The following KLHL29 variants were observed in gnomAD, a reference collection of about 807,000 sequenced individuals.
KLHL29 encodes the protein kelch like family member 29.
Under a neutral mutation model 80.4 loss-of-function variants are expected in KLHL29, and 21 were observed. The ratio of observed to expected loss-of-function variants is 0.26; its 90% CI spans 0.19 to 0.38. The LOEUF (loss-of-function observed/expected upper bound fraction) is 0.38, where lower values mean the gene tolerates loss of function less well. Among genes scored for constraint, KLHL29 ranks in the 10% least tolerant of loss-of-function variants. KLHL29 has a pLI of 1.00. For synonymous variants in KLHL29, 511 were observed against 526.8 expected (o/e 0.97, Z 0.41); for missense variants, 867 against 1,223.9 (o/e 0.71, Z 4.35).
At chr2:23,551,874 G>C (rs1667139350) in intron 2 of KLHL29, among the ~76,000 whole-genome samples, 3 of 152,244 alleles carry the variant, frequency 2.0e-5, no homozygotes. Flanking sequence ...CGATGCTGTG[G>C]CTACTGGACT....
chr2:23,474,698 A>G (rs568721338), intron 1 of KLHL29, among the ~76,000 whole-genome samples: 4 of 152,328 alleles, frequency 2.6e-5, no homozygotes, highest in African/African-American at 4.8e-5. Context: ...GAAGCTGACC[A>G]TAAGGCAGAA....
chr2:23,482,513 A>G (rs1331320267), intron 2 of KLHL29, among the ~76,000 whole-genome samples: 3 of 152,164 alleles, frequency 2.0e-5, no homozygotes, highest in Non-Finnish European at 4.4e-5. Flanking sequence ...TCTAACTTGC[A>G]CAAAAGCATC....
At chr2:23,513,886 G>A (rs1389998209) in intron 2 of KLHL29, among the ~76,000 whole-genome samples, 2 of 152,124 alleles carry the variant, frequency 1.3e-5, no homozygotes, top group African/African-American at 4.8e-5. Context: ...ACAACACATA[G>A]GCCTTATTTT....
chr2:23,448,357 C>T (rs1424733151), intron 1 of KLHL29, among the ~76,000 whole-genome samples: 1 of 152,134 alleles, frequency 6.6e-6, no homozygotes, highest in Non-Finnish European at 1.5e-5. Flanking sequence ...TTGTGACAAC[C>T]CTTTGAGGCA....
At chr2:23,410,053 G>T (rs1309317106) in intron 1 of KLHL29, among the ~76,000 whole-genome samples, 1 of 152,196 alleles carries the variant, frequency 6.6e-6, no homozygotes, top group Non-Finnish European at 1.5e-5. Context: ...CCAGAGGGGA[G>T]CATGGCACAG....
At chr2:23,581,820 C>T (rs188383303) in intron 3 of KLHL29, among the ~76,000 whole-genome samples, 2 of 120,668 alleles carry the variant, frequency 1.7e-5, no homozygotes, top group Admixed American at 1.8e-4. Context: ...AAGAATGAAA[C>T]TCTGCCTCAA....
intron 1 of KLHL29, among the ~76,000 whole-genome samples, chr2:23,427,040 C>A (rs538944660): frequency 6.2e-4 from 94 of 152,286 alleles, no homozygotes; most frequent in African/African-American, 2.2e-3. Flanking sequence ...GATACCCAGG[C>A]CTCTTGATCT....
At chr2:23,703,678 A>G (rs200173076) in intron 12 of KLHL29, 41 bp from the exon 13 acceptor site, 109 of 1,503,910 alleles carry the variant, frequency 7.2e-5, no homozygotes, top group Admixed American at 2.2e-5. Context: ...GGGAAGTCCA[A>G]GACAAGCTGC....
At chr2:23,704,690 C>A (rs562117955) in intron 13 of KLHL29, among the ~76,000 whole-genome samples, 7 of 152,200 alleles carry the variant, frequency 4.6e-5, no homozygotes, top group Admixed American at 2.0e-4. Flanking sequence ...TCGCTTGAAC[C>A]CGGGAGGCGG....
intron 5 of KLHL29, among the ~76,000 whole-genome samples, chr2:23,656,126 C>T (rs556328517): frequency 6.6e-6 from 1 of 152,354 alleles, no homozygotes; most frequent in South Asian, 2.1e-4. Context: ...CCCAGCGCCT[C>T]TTGGAAGAGA....
At chr2:23,671,365 G>A (rs1271640754) in intron 5 of KLHL29, among the ~76,000 whole-genome samples, 1 of 151,884 alleles carries the variant, frequency 6.6e-6, no homozygotes, top group Non-Finnish European at 1.5e-5. Flanking sequence ...CTCTGAGCCG[G>A]CCCGTCACCT....
intron 1 of KLHL29, among the ~76,000 whole-genome samples, chr2:23,440,180 T>C (rs1663472263): frequency 6.6e-6 from 1 of 152,180 alleles, no homozygotes; most frequent in African/African-American, 2.4e-5. Flanking sequence ...GCCGCATATC[T>C]ACAACTATCT....
At chr2:23,433,167 C>T (rs560866561) in intron 1 of KLHL29, among the ~76,000 whole-genome samples, 11 of 152,344 alleles carry the variant, frequency 7.2e-5, no homozygotes, top group African/African-American at 2.4e-4. Flanking sequence ...TGCAAAGTCC[C>T]GCCAGCCTCT....
At chr2:23,612,910 AAG>A (rs1008550492) in intron 3 of KLHL29, among the ~76,000 whole-genome samples, 14 of 152,324 alleles carry the variant, frequency 9.2e-5, no homozygotes, top group African/African-American at 3.1e-4. Context: ...ATTGTATACA[AAG>A]ATAAAAAATC....
chr2:23,583,642 G>A (rs1397065310), intron 3 of KLHL29, among the ~76,000 whole-genome samples: 3 of 152,166 alleles, frequency 2.0e-5, no homozygotes, highest in Non-Finnish European at 4.4e-5. Flanking sequence ...TCAGACACTC[G>A]ATGTGGCCTC....
chr2:23,623,360 G>A (rs543810320), intron 3 of KLHL29, among the ~76,000 whole-genome samples: 2 of 152,328 alleles, frequency 1.3e-5, no homozygotes, highest in East Asian at 1.9e-4. Context: ...ACAGTCCGCT[G>A]TCTGGGGAAC....
At position 23,707,408 on chromosome 2, in the gene KLHL29, C is replaced by T. The variant is rs1328561329; in HGVS notation, c.*744C>T. 1 of 152,178 alleles carries T rather than the reference C, an allele frequency of 6.6e-6. No individual in the cohort carries two copies. The highest frequency in any genetic ancestry group is 1.5e-5 in the Non-Finnish European group (1 of 68,050). The allele number at this position is 152,178 out of a possible 1,614,324, so 9.4% of individuals were successfully genotyped here. ...ATAAACAAAAGGCTATTTTTAAGTACTGAGAGGAGGAGCAGGCCACAAGAG... is the reference window on the plus strand; with the variant it reads ...ATAAACAAAAGGCTATTTTTAAGTATTGAGAGGAGGAGCAGGCCACAAGAG... On this transcript the variant is annotated 3_prime_UTR_variant, in exon 14 of 14. Transcript: ENST00000486442.
intron 3 of KLHL29, among the ~76,000 whole-genome samples, chr2:23,597,294 CTCATATA>C (rs1353211241): frequency 3.1e-4 from 29 of 93,082 alleles, no homozygotes; most frequent in Non-Finnish European, 4.5e-4. Context: ...CTCTCTCTCT[CTCATATA>C]TATATATATG....
chr2:23,419,578 A>G (rs1662721492), intron 1 of KLHL29, among the ~76,000 whole-genome samples: 1 of 152,070 alleles, frequency 6.6e-6, no homozygotes, highest in Admixed American at 6.5e-5. Context: ...CATCTTCTCA[A>G]TTTCATTCTG....
Sources: gnomAD v4.1 joint callset for allele counts (sites outside exome capture counted in the v4.1 genomes callset) on GRCh38, gnomAD v4.1.1 for gene constraint, MANE v1.5 for transcripts, NCBI Gene and HGNC (gene_info 2026-07-23, HGNC 2026-07-21) for gene names.